The following ALG11 variants were observed in gnomAD, a reference collection of about 807,000 sequenced individuals.
ALG11 encodes ALG11 alpha-1,2-mannosyltransferase.
In ALG11, 26 loss-of-function variants were observed where a neutral mutation model predicts 38.8. The ratio of observed to expected loss-of-function variants is 0.67; its 90% CI spans 0.49 to 0.93. The LOEUF is 0.93. ALG11 is among the 40% of genes least tolerant of loss of function. The pLI, the probability that ALG11 is intolerant of heterozygous loss-of-function variation, is 0.00. For synonymous variants in ALG11, 199 were observed against 211.6 expected (o/e 0.94, Z 0.52); for missense variants, 535 against 578.8 (o/e 0.92, Z 0.78).
intron 3 of ALG11, among the ~76,000 whole-genome samples, chr13:52,026,100 G>T (rs577945946): frequency 2.0e-5 from 3 of 152,370 alleles, no homozygotes; most frequent in Admixed American, 6.5e-5. Flanking sequence ...GCTGTGCCGT[G>T]TGCCAGGTGC....
chr13:52,029,344 A>C lies in ALG11; in HGVS notation c.*754A>C, dbSNP rs201103979. ...ATGCGCTCAGTGGCTGGAAGGCAAG[A>C]ACTCCCCTGGAGCAGGAAATTTTTA... On this transcript the variant is annotated 3_prime_UTR_variant, in exon 4 of 4. Coordinates refer to ENST00000521508, the MANE Select transcript of ALG11 (RefSeq NM_001004127.3). The C allele has an allele frequency of 2.9e-5, 47 of 1,614,124 alleles. No individual in the cohort carries two copies. Among genetic ancestry groups the C allele is most frequent in the Admixed American group, 1.2e-4 (7 of 60,020 alleles).
In ALG11 at chr13:52,029,431, C is replaced by T. The variant is rs1324861744; in HGVS notation, c.*841C>T. The T allele has an allele frequency of 2.5e-6, 4 of 1,614,196 alleles. No individual in the cohort carries two copies. Among genetic ancestry groups the T allele is most frequent in the African/African-American group, 2.7e-5 (2 of 75,046 alleles). On this transcript the variant is annotated 3_prime_UTR_variant, in exon 4 of 4. Coordinates refer to ENST00000521508, the MANE Select transcript of ALG11 (RefSeq NM_001004127.3). ...CTTTACTGACTCCCATGGAAAAGGC[C>T]TCTCTCCAAGCCATGAGCCTGGAAG...
rs1461917596 is a variant in ALG11 at position 52,029,125 on chromosome 13, T to G, written c.*535T>G. On this transcript the variant is annotated 3_prime_UTR_variant, in exon 4 of 4. Transcript: ENST00000521508. ...TGGCCACTGTAAAAAAGCAACTGAA[T>G]AGAGTCAAATCAAAGAAGGTGGTGG... is the stretch of plus-strand genomic sequence containing the variant. 1 of 1,614,162 alleles carries G rather than the reference T, an allele frequency of 6.2e-7. No homozygotes were observed.
chr13:52,031,221 C>G lies in ALG11; in HGVS notation c.*2631C>G. ...GCTCAGCACATTGCATGTAGTTGAG[C>G]CACATTTTTTAAAAAAAGAAAATGG... On this transcript the variant is annotated 3_prime_UTR_variant, in exon 4 of 4. Transcript: ENST00000521508. 1 of 1,444,540 alleles carries G rather than the reference C, an allele frequency of 6.9e-7. No homozygotes were observed. The highest frequency in any genetic ancestry group is 9.2e-7 in the Non-Finnish European group (1 of 1,083,924). The allele number at this position is 1,444,540 out of a possible 1,614,324, so 89.5% of individuals were successfully genotyped here.
Position 52,018,968 on chromosome 13 carries a change from T to C in ALG11, c.100T>C (p.Cys34Arg), listed in dbSNP as rs768766992. Residue 34 changes from cysteine to arginine, a missense_variant, in exon 2 of 4, where the codon TGT becomes CGT. Cys to Arg is a radical substitution (Grantham distance 180). Transcript: ENST00000521508. ...CATTGTATGTGGAACTTTATGTGTG[T>C]GTTTGGTCATTGTCCTTTGGGGAAT... is the stretch of plus-strand genomic sequence containing the variant. ...GLIVCGTLCVCLVIVLWGIRL... is the reference protein window; with the variant it reads ...GLIVCGTLCVRLVIVLWGIRL... 2 of 1,614,106 alleles carry C rather than the reference T, an allele frequency of 1.2e-6. No individual in the cohort carries two copies. Among genetic ancestry groups the C allele is most frequent in the Admixed American group, 3.3e-5 (2 of 60,018 alleles).
rs1477194324 is a variant in ALG11, at chr13:52,033,573, A to AAAG, written c.*4984_*4986dup. ...GCCAATTAAAGAAGAAACAAAAATA[A>AAAG]AAGTTTGTCTTGCTTGTGAAACATT... On this transcript the variant is annotated 3_prime_UTR_variant, in exon 4 of 4. Coordinates refer to ENST00000521508, the MANE Select transcript of ALG11 (RefSeq NM_001004127.3). The AAAG allele has an allele frequency of 6.0e-6, 1 of 167,024 alleles. No homozygotes were observed. The highest frequency in any genetic ancestry group is 1.5e-5 in the Non-Finnish European group (1 of 68,124). 10.3% of individuals were successfully genotyped at this position (167,024 alleles called of 1,614,324 possible).
At chr13:52,013,346 G>A (rs1954101949) in intron 1 of ALG11, among the ~76,000 whole-genome samples, 1 of 152,074 alleles carries the variant, frequency 6.6e-6, no homozygotes, top group Non-Finnish European at 1.5e-5. Context: ...TTTCTTCTTC[G>A]TTTTTGTCCA....
intron 2 of ALG11, among the ~76,000 whole-genome samples, chr13:52,020,289 A>G (rs554214662): frequency 8.5e-5 from 13 of 152,174 alleles, no homozygotes; most frequent in Non-Finnish European, 1.8e-4. Context: ...ATTCTCTTTT[A>G]GAAAGGAAAA....
intron 2 of ALG11, chr13:52,022,423 G>A (rs988898765): frequency 6.6e-6 from 1 of 152,198 alleles, no homozygotes; most frequent in Non-Finnish European, 1.5e-5. Context: ...TAGGCTACCA[G>A]AGATCACAAT....
At chr13:52,025,893 C>G (rs927541707) in intron 3 of ALG11, among the ~76,000 whole-genome samples, 7 of 152,326 alleles carry the variant, frequency 4.6e-5, no homozygotes, top group African/African-American at 1.7e-4. Context: ...AGACATTAAG[C>G]AAGAACTTGT....
chr13:52,015,053 G>A (rs1954123766), intron 1 of ALG11, among the ~76,000 whole-genome samples: 1 of 152,104 alleles, frequency 6.6e-6, no homozygotes, highest in South Asian at 2.1e-4. Context: ...ATGAGGATTT[G>A]TTCACAATAG....
Position 52,031,077 on chromosome 13 carries a change from C to A in ALG11, c.*2487C>A, listed in dbSNP as rs1954299306. On this transcript the variant is annotated 3_prime_UTR_variant, in exon 4 of 4. Transcript: ENST00000521508. ...CAGAGGAATCCAAAACGAATCACCA[C>A]ACGTCACAATAAAGAAGAAAAACTG... The A allele has an allele frequency of 6.2e-7, 1 of 1,613,374 alleles. No individual in the cohort carries two copies. Among genetic ancestry groups the A allele is most frequent in the Non-Finnish European group, 8.5e-7 (1 of 1,179,660 alleles).
At position 52,030,780 on chromosome 13, in the gene ALG11, A is replaced by G; in HGVS notation, c.*2190A>G. ...AAAGCCCCTGAGGGTCCTCCAAGAA[A>G]AGATAAGAATTTGCCAAATGTGATT... On this transcript the variant is annotated 3_prime_UTR_variant, in exon 4 of 4. Transcript: ENST00000521508. 6.2e-7 allele frequency: 1 copy of G among 1,614,184 alleles called. No homozygotes were observed. The highest frequency in any genetic ancestry group is 1.3e-5 in the African/African-American group (1 of 75,040).
chr13:52,027,023 C>G (rs558900843), intron 3 of ALG11, among the ~76,000 whole-genome samples: 1 of 152,114 alleles, frequency 6.6e-6, no homozygotes, highest in South Asian at 2.1e-4. Flanking sequence ...TCTTAGAAAC[C>G]AAGGAAGAGA....
intron 1 of ALG11, among the ~76,000 whole-genome samples, chr13:52,013,861 T>C (rs993653545): frequency 2.0e-5 from 3 of 152,230 alleles, no homozygotes; most frequent in Non-Finnish European, 4.4e-5. Context: ...CAAATCTGTT[T>C]TTATAATAAC....
At chr13:52,021,974 C>T (rs1954187885) in intron 2 of ALG11, 1 of 152,238 alleles carries the variant, frequency 6.6e-6, no homozygotes. Context: ...CACAATGTCA[C>T]TTTTGCCATA....
intron 1 of ALG11, among the ~76,000 whole-genome samples, chr13:52,013,274 A>G (rs1181428140): frequency 6.6e-6 from 1 of 152,236 alleles, no homozygotes; most frequent in Non-Finnish European, 1.5e-5. Context: ...CTGAAAATTT[A>G]TAATTAACAC....
intron 1 of ALG11, 108 bp downstream of exon 1, chr13:52,012,570 C>G (rs56162767): frequency 7.5e-6 from 11 of 1,466,794 alleles, no homozygotes; most frequent in African/African-American, 1.4e-5. Context: ...TGTCATGAAT[C>G]TAAGGTAATT....
chr13:52,024,612 GA>G lies in ALG11; in HGVS notation c.887del (p.Lys296ArgfsTer2), dbSNP rs767720592. ...QTFLDIPLHE[K>X]KMTPGHLLVS... ...CATTTCTGGACATTCCCTTACATGA[GA>G]AAAAGATGACCCCAGGACATTTGCT... On this transcript the variant is annotated frameshift_variant, in exon 3 of 4. Coordinates refer to ENST00000521508, the MANE Select transcript of ALG11 (RefSeq NM_001004127.3). LOFTEE classifies it high-confidence loss of function. 38 of 1,613,678 alleles carry G rather than the reference GA, an allele frequency of 2.4e-5. No individual in the cohort carries two copies. The highest frequency in any genetic ancestry group is 3.1e-5 in the Non-Finnish European group (36 of 1,179,804).
Sources: gnomAD v4.1 joint callset for allele counts (sites outside exome capture counted in the v4.1 genomes callset) on GRCh38, gnomAD v4.1.1 for gene constraint, MANE v1.5 for transcripts, NCBI Gene and HGNC (gene_info 2026-07-23, HGNC 2026-07-21) for gene names.